HAUS7: variants seen among roughly 807,000 people sequenced by gnomAD.
HAUS7 encodes the protein HAUS augmin-like complex subunit 7.
Under a neutral mutation model 28.4 loss-of-function variants are expected in HAUS7, and 3 were observed. The ratio of observed to expected loss-of-function variants is 0.11; its 90% CI spans 0.05 to 0.27. The LOEUF (loss-of-function observed/expected upper bound fraction) is 0.27. HAUS7 is among the 10% of genes least tolerant of loss of function. The pLI, the probability that HAUS7 is intolerant of heterozygous loss-of-function variation, is 1.00. For missense variants in HAUS7, 284 were observed against 297.3 expected (o/e 0.96, Z 0.33); for synonymous variants, 165 against 132.1 (o/e 1.25, Z -1.71).
At chrX:153,468,008 C>A (rs1457615535) in intron 2 of HAUS7, among the ~76,000 whole-genome samples, 1 of 112,428 alleles carries the variant, frequency 8.9e-6, no homozygotes, top group Non-Finnish European at 1.9e-5. Context: ...GGAGGGGGAA[C>A]AATGTGAGCA....
chrX:153,483,284 A>T (rs2089613035), intron 1 of HAUS7: 1 of 752,438 alleles, frequency 1.3e-6, no homozygotes, highest in African/African-American at 2.3e-5. Flanking sequence ...CCCTCACCCC[A>T]ACCCCTGACC....
chrX:153,467,502 C>T (rs1233440479), intron 2 of HAUS7, among the ~76,000 whole-genome samples: 1 of 111,735 alleles, frequency 8.9e-6, no homozygotes, highest in African/African-American at 3.3e-5. Context: ...CCAGCTCTCT[C>T]TCCCACACCT....
rs781921272 is a variant in HAUS7 at position 153,478,601 on chromosome X, C to T, written c.-588-7456G>A. ...GACAGCCACAGAACGTCAACTCTGC[C>T]CCCTACCCCATTTTACAGAGGAGAA... On this transcript the variant is annotated intron_variant, in intron 1 of 5. Coordinates refer to the HAUS7 transcript ENST00000370210. Among the ~76,000 whole-genome samples, 4 of 112,333 alleles carry T rather than the reference C, an allele frequency of 3.6e-5. No homozygotes were observed. In the Admixed American group the frequency reaches 3.7e-4, roughly 10 times the overall value.
chrX:153,456,388 T>C, intron 6 of HAUS7, 24 bp from the exon 7 acceptor site: 1 of 1,186,903 alleles, frequency 8.4e-7, no homozygotes, highest in East Asian at 3.0e-5. Context: ...AAGGGAACAC[T>C]TGCAACTCAC....
At chrX:153,470,587 T>TA (rs1556985031), upstream of HAUS7, 1 of 1,164,037 alleles carries the variant, frequency 8.6e-7, no homozygotes, top group Non-Finnish European at 1.2e-6. Context: ...GCCCCGCCCA[T>TA]GCCCTGGCTT....
At chrX:153,454,637 T>C in intron 8 of HAUS7, 129 bp from the exon 9 acceptor site, 2 of 504,898 alleles carry the variant, frequency 4.0e-6, no homozygotes, top group East Asian at 7.3e-5. Flanking sequence ...GGCATTCACC[T>C]GAAAGACAGC....
upstream of HAUS7, chrX:153,470,700 G>T: frequency 2.2e-6 from 2 of 890,451 alleles, no homozygotes; most frequent in Non-Finnish European, 3.1e-6. Context: ...CGACATCTCC[G>T]CCTGCGCGGG....
intron 1 of HAUS7, chrX:153,482,963 T>C (rs142542851): frequency 0.01 from 1,334 of 129,692 alleles, 23 homozygotes; most frequent in African/African-American, 0.04. Flanking sequence ...GAGCAGCCCA[T>C]AGGGGGATCT....
chrX:153,478,549 C>G (rs980339083), intron 1 of HAUS7, among the ~76,000 whole-genome samples: 4 of 112,853 alleles, frequency 3.5e-5, no homozygotes, highest in African/African-American at 6.4e-5. Context: ...GTGCCTGGAA[C>G]ACCCATGCTC....
intron 1 of HAUS7, chrX:153,482,474 C>T (rs2089606715): frequency 5.3e-6 from 4 of 756,086 alleles, no homozygotes; most frequent in South Asian, 6.7e-5. Context: ...GGGCGAGTTC[C>T]GGGGGCAGGG....
At chrX:153,448,801 C>T (rs1219438374) in intron 9 of HAUS7, among the ~76,000 whole-genome samples, 1 of 111,590 alleles carries the variant, frequency 9.0e-6, no homozygotes, top group Non-Finnish European at 1.9e-5. Context: ...TGGGTCACAC[C>T]GACCGCAGCA....
intron 9 of HAUS7, among the ~76,000 whole-genome samples, chrX:153,451,085 C>A (rs2089233945): frequency 8.9e-6 from 1 of 112,245 alleles, no homozygotes; most frequent in African/African-American, 3.2e-5. Context: ...CTCTCCAGAC[C>A]CCCAAAGTGG....
intron 1 of HAUS7, among the ~76,000 whole-genome samples, chrX:153,490,361 AG>A (rs1428710575): frequency 8.9e-6 from 1 of 112,868 alleles, no homozygotes; most frequent in Non-Finnish European, 1.9e-5. Context: ...GGTCAAAAAA[AG>A]CTCCTGGCAT....
chrX:153,448,454 T>G, intron 9 of HAUS7, among the ~76,000 whole-genome samples: 1 of 106,560 alleles, frequency 9.4e-6, no homozygotes. Flanking sequence ...AATGACGAGT[T>G]AATGGGTGCA....
chrX:153,481,058 G>A (rs1468361739), intron 1 of HAUS7: 19 of 732,355 alleles, frequency 2.6e-5, no homozygotes, highest in Non-Finnish European at 2.9e-5. Context: ...GGCCTGCTGG[G>A]GCTGACAGGA....
intron 1 of HAUS7, among the ~76,000 whole-genome samples, chrX:153,485,539 C>T (rs1378973090): frequency 8.9e-6 from 1 of 112,323 alleles, no homozygotes; most frequent in African/African-American, 3.2e-5. Context: ...CACCCAGATC[C>T]TCTAATCCCT....
At chrX:153,494,940 C>T (rs1323747247) in intron 1 of HAUS7, 1 of 103,083 alleles carries the variant, frequency 9.7e-6, no homozygotes, top group African/African-American at 3.6e-5. Flanking sequence ...GTCGGCCCGC[C>T]TGCCCAGCCT....
intron 1 of HAUS7, chrX:153,483,566 C>A (rs782621092): frequency 3.4e-6 from 2 of 593,157 alleles, no homozygotes; most frequent in South Asian, 1.8e-4. Context: ...GCCACGGAGC[C>A]CCAGAGAGGG....
At position 153,455,218 on chromosome X, in the gene HAUS7, G is replaced by A. The variant is rs192520852; in HGVS notation, c.930+324C>T. ...ACCTTGCTATTTTGGAGCGTAACGT[G>A]ACAACAGTGCGGCCAACACAGGAAC... On this transcript the variant is annotated intron_variant, in intron 8 of 9. Coordinates refer to ENST00000370211, the MANE Select transcript of HAUS7 (RefSeq NM_001385482.1). The A allele has an allele frequency of 8.6e-5, 37 of 429,003 alleles. No homozygotes were observed. The East Asian group carries it at 1.6e-3, about 18-fold the overall frequency. 35.4% of individuals were successfully genotyped at this position (429,003 alleles called of 1,213,427 possible).
Sources: gnomAD v4.1 joint callset for allele counts (sites outside exome capture counted in the v4.1 genomes callset) on GRCh38, gnomAD v4.1.1 for gene constraint, MANE v1.5 for transcripts, NCBI Gene and HGNC (gene_info 2026-07-23, HGNC 2026-07-21) for gene names.